SGCZ: variants seen among roughly 807,000 people sequenced by gnomAD.
The protein encoded by SGCZ is zeta-sarcoglycan.
A neutral mutation model predicts 41.3 loss-of-function variants in SGCZ; 40 were observed. The ratio of observed to expected loss-of-function variants is 0.97; its 90% CI spans 0.75 to 1.26. SGCZ has a LOEUF of 1.26. SGCZ is among the 50% of genes most tolerant of loss of function. SGCZ has a pLI of 0.00. For synonymous variants in SGCZ, 206 were observed against 137.5 expected (o/e 1.50, Z -3.49); for missense variants, 552 against 369.8 (o/e 1.49, Z -4.04).
intron 1 of SGCZ, among the ~76,000 whole-genome samples, chr8:14,555,985 G>C (rs77972130): frequency 6.6e-6 from 1 of 151,758 alleles, no homozygotes; most frequent in Non-Finnish European, 1.5e-5. Context: ...TTAGAAGTCA[G>C]TTCTGAAAAA....
At chr8:14,094,113 C>T (rs138816135) in intron 7 of SGCZ, among the ~76,000 whole-genome samples, 1,739 of 152,076 alleles carry the variant, frequency 0.011, 64 homozygotes, top group Admixed American at 0.083. Context: ...CATTCCCTGA[C>T]GCCCCAAGAT....
intron 1 of SGCZ, among the ~76,000 whole-genome samples, chr8:15,111,324 C>T (rs1383394256): frequency 1.3e-5 from 2 of 152,110 alleles, no homozygotes; most frequent in African/African-American, 4.8e-5. Context: ...CTCCCGCTTC[C>T]ACTATATCTC....
intron 1 of SGCZ, among the ~76,000 whole-genome samples, chr8:14,860,344 T>G (rs1442203267): frequency 6.6e-6 from 1 of 151,918 alleles, no homozygotes; most frequent in South Asian, 2.1e-4. Context: ...ATCACCACCA[T>G]CTAGTGTCTG....
rs113775053 is a variant in SGCZ at position 14,418,298 on chromosome 8, T to C, written c.235-94094A>G. Reference sequence around the variant, plus strand: ...GAACTGAGGCCTAATGTTTAACAAATGTGAAGAGTAGAAAATGGGTTGGGT... The same window carrying C: ...GAACTGAGGCCTAATGTTTAACAAACGTGAAGAGTAGAAAATGGGTTGGGT... On this transcript the variant is annotated intron_variant, in intron 2 of 7. Coordinates refer to ENST00000382080, the MANE Select transcript of SGCZ (RefSeq NM_139167.4). Among the ~76,000 whole-genome samples the C allele has an allele frequency of 6.9e-3, 1,050 of 152,026 alleles. 15 individuals are homozygous for C. The highest frequency in any genetic ancestry group is 0.024 in the African/African-American group (990 of 41,516).
chr8:14,299,466 G>A (rs1166500573), intron 3 of SGCZ, among the ~76,000 whole-genome samples: 1 of 151,790 alleles, frequency 6.6e-6, no homozygotes, highest in African/African-American at 2.4e-5. Context: ...ATTACAGTAG[G>A]AAAGACACAA....
At chr8:14,287,998 C>A (rs1585322692) in intron 3 of SGCZ, among the ~76,000 whole-genome samples, 1 of 151,958 alleles carries the variant, frequency 6.6e-6, no homozygotes, top group Non-Finnish European at 1.5e-5. Flanking sequence ...TATTTTTTTA[C>A]CTACTATTTA....
intron 1 of SGCZ, among the ~76,000 whole-genome samples, chr8:14,648,017 C>T (rs1807280108): frequency 6.6e-6 from 1 of 151,938 alleles, no homozygotes; most frequent in Non-Finnish European, 1.5e-5. Flanking sequence ...CCTCATTTCC[C>T]AGAGGGAGGT....
chr8:14,816,049 A>T (rs1801894001), intron 1 of SGCZ, among the ~76,000 whole-genome samples: 1 of 152,246 alleles, frequency 6.6e-6, no homozygotes, highest in Non-Finnish European at 1.5e-5. Context: ...TTAACAATAT[A>T]TTCCATTTAA....
At chr8:14,790,644 T>A (rs1268700888) in intron 1 of SGCZ, among the ~76,000 whole-genome samples, 2 of 152,196 alleles carry the variant, frequency 1.3e-5, no homozygotes, top group Non-Finnish European at 2.9e-5. Context: ...GATAGTTAAG[T>A]AATAAGATTG....
intron 2 of SGCZ, among the ~76,000 whole-genome samples, chr8:14,359,859 A>C (rs1452694236): frequency 2.0e-5 from 3 of 152,188 alleles, no homozygotes; most frequent in Non-Finnish European, 1.5e-5. Context: ...CTGATGAAAA[A>C]ACATCAACAG....
chr8:14,309,296 C>G (rs954885663), intron 3 of SGCZ: 2 of 1,584,570 alleles, frequency 1.3e-6, no homozygotes, highest in Admixed American at 3.3e-5. Flanking sequence ...TGACTACTCA[C>G]TTTTTAAGGA....
chr8:14,205,405 T>A (rs571708338), intron 4 of SGCZ, among the ~76,000 whole-genome samples: 1 of 152,298 alleles, frequency 6.6e-6, no homozygotes, highest in Non-Finnish European at 1.5e-5. Flanking sequence ...TAAAATTTAA[T>A]GTTATTCTGC....
chr8:15,079,376 AT>A (rs2131041873), intron 1 of SGCZ, among the ~76,000 whole-genome samples: 1 of 152,010 alleles, frequency 6.6e-6, no homozygotes, highest in East Asian at 1.9e-4. Context: ...TCAGTCCTAT[AT>A]TTTTTTCTTT....
chr8:14,402,230 T>C (rs543171025), intron 2 of SGCZ, among the ~76,000 whole-genome samples: 6 of 151,680 alleles, frequency 4.0e-5, no homozygotes, highest in Admixed American at 6.6e-5. Flanking sequence ...TTCTCCCATT[T>C]TGTAGGTTGC....
chr8:14,104,076 G>C (rs1194552537), intron 6 of SGCZ, among the ~76,000 whole-genome samples: 1 of 152,072 alleles, frequency 6.6e-6, no homozygotes, highest in Non-Finnish European at 1.5e-5. Flanking sequence ...TTACATTATA[G>C]TAGAGGTTTT....
At chr8:14,757,627 G>C (rs1006954837) in intron 1 of SGCZ, among the ~76,000 whole-genome samples, 4 of 152,122 alleles carry the variant, frequency 2.6e-5, no homozygotes, top group Non-Finnish European at 4.4e-5. Context: ...TCTGAGTACC[G>C]GGTAGCATGA....
At chr8:14,943,737 C>T (rs1800352962) in intron 1 of SGCZ, among the ~76,000 whole-genome samples, 1 of 152,140 alleles carries the variant, frequency 6.6e-6, no homozygotes, top group Admixed American at 6.6e-5. Context: ...TTCCAAACTT[C>T]ACCCTCAAGT....
At position 14,102,428 on chromosome 8, in the gene SGCZ, T is replaced by C; in HGVS notation, c.692A>G (p.Asp231Gly). Reference protein sequence around the residue: ...RGVQVSAAAGDFKATCRKELH... With the variant: ...RGVQVSAAAGGFKATCRKELH... ...CTCCTTCCTGCAGGTGGCCTTGAAG[T>C]CTCCTGCAGCAGCACTCACCTGGAC... The change falls in exon 7 of 8, where the codon GAC becomes GGC. Residue 231 changes from aspartate to glycine, a missense_variant. Coordinates refer to ENST00000382080, the MANE Select transcript of SGCZ (RefSeq NM_139167.4). The C allele has an allele frequency of 6.5e-7, 1 of 1,532,406 alleles. No individual in the cohort carries two copies. The highest frequency in any genetic ancestry group is 1.3e-5 in the South Asian group (1 of 79,582). The allele number at this position is 1,532,406 out of a possible 1,614,324, so 94.9% of individuals were successfully genotyped here.
chr8:14,581,649 A>T (rs1804892672), intron 1 of SGCZ, among the ~76,000 whole-genome samples: 2 of 152,266 alleles, frequency 1.3e-5, no homozygotes, highest in Admixed American at 1.3e-4. Context: ...GAGTCCAGAA[A>T]GCATCACCAA....
Sources: allele counts gnomAD v4.1 joint callset (sites outside exome capture counted in the v4.1 genomes callset), GRCh38; gene constraint gnomAD v4.1.1; transcripts MANE v1.5; gene names NCBI Gene and HGNC (gene_info 2026-07-23, HGNC 2026-07-21).